The following NAA35 variants were observed in gnomAD, a reference collection of about 807,000 sequenced individuals.
NAA35 encodes the protein N-alpha-acetyltransferase 35, NatC auxiliary subunit.
NAA35 carries 18 observed loss-of-function variants against 101.7 expected under a neutral mutation model. The ratio of observed to expected loss-of-function variants is 0.18; its 90% confidence interval spans 0.12 to 0.26. NAA35 has a LOEUF of 0.26. NAA35 is among the 10% of genes least tolerant of loss of function. The pLI is 1.00. For missense variants in NAA35, 601 were observed against 886.8 expected (o/e 0.68, Z 4.09); for synonymous variants, 267 against 273.1 (o/e 0.98, Z 0.22).
At chr9:85,999,345 A>G (rs1468346909) in intron 12 of NAA35, among the ~76,000 whole-genome samples, 1 of 152,252 alleles carries the variant, frequency 6.6e-6, no homozygotes, top group Non-Finnish European at 1.5e-5. Flanking sequence ...TGTGTTCACT[A>G]GATTAATTGC....
intron 8 of NAA35, 134 bp from the exon 9 acceptor site, chr9:85,976,551 G>A (rs957896834): frequency 2.7e-5 from 15 of 554,224 alleles, no homozygotes; most frequent in Non-Finnish European, 4.0e-5. Flanking sequence ...TACTAGACAC[G>A]GCTTTTTTTC....
chr9:85,944,087 A>G (rs1828646620), intron 2 of NAA35, among the ~76,000 whole-genome samples: 1 of 152,200 alleles, frequency 6.6e-6, no homozygotes, highest in Admixed American at 6.5e-5. Context: ...CTTGATGATC[A>G]GTACAGTGGC....
rs1346487885 is a variant in NAA35 at position 85,950,887 on chromosome 9, A to G, written c.125-5473A>G. Among the ~76,000 whole-genome samples the G allele has an allele frequency of 9.8e-5, 15 of 152,318 alleles. No homozygotes were observed. The East Asian group carries it at 2.7e-3, about 27-fold the overall frequency. ...CACGGTGGCTCACGCCTGTAATCCT[A>G]GCACTTTGGGAGGCCAAGGCGGGTG... On this transcript the variant is annotated intron_variant, in intron 2 of 22. Coordinates refer to ENST00000361671, the MANE Select transcript of NAA35 (RefSeq NM_024635.4).
In NAA35 at chr9:86,024,225, A is replaced by G. The variant is rs765489848; in HGVS notation, c.*2265A>G. Among the ~76,000 whole-genome samples, 2 of 152,168 alleles carry G rather than the reference A, an allele frequency of 1.3e-5. No homozygotes were observed. The highest frequency in any genetic ancestry group is 2.9e-5 in the Non-Finnish European group (2 of 68,044). ...GCCCCACGTGAAACTTTAGGTGACA[A>G]ATCCCCATCGCATCTATTCAGGAGG... On this transcript the variant is annotated 3_prime_UTR_variant, in exon 23 of 23. Transcript: ENST00000361671.
At chr9:86,017,317 T>C (rs944192298) in intron 18 of NAA35, among the ~76,000 whole-genome samples, 181 bp from the exon 19 acceptor site, 9 of 152,248 alleles carry the variant, frequency 5.9e-5, no homozygotes, top group Non-Finnish European at 8.8e-5. Flanking sequence ...TTTGGGGACA[T>C]GATTATTATA....
chr9:85,986,731 C>T, intron 11 of NAA35: 2 of 273,766 alleles, frequency 7.3e-6, no homozygotes, highest in Non-Finnish European at 1.4e-5. Flanking sequence ...ATTACAGGTG[C>T]CTGTCACCAT....
At chr9:86,004,611 A>C (rs1831552976) in intron 13 of NAA35, among the ~76,000 whole-genome samples, 1 of 152,248 alleles carries the variant, frequency 6.6e-6, no homozygotes, top group Non-Finnish European at 1.5e-5. Context: ...ACAATGGAGA[A>C]AATCAATGCA....
intron 20 of NAA35, 55 bp downstream of exon 20, chr9:86,018,450 G>A (rs902049996): frequency 1.4e-5 from 22 of 1,557,904 alleles, no homozygotes; most frequent in African/African-American, 5.5e-5. Context: ...CCTTCTTAGA[G>A]AGATGCTGTT....
At chr9:86,009,014 C>T (rs938703260) in intron 14 of NAA35, among the ~76,000 whole-genome samples, 2 of 152,172 alleles carry the variant, frequency 1.3e-5, no homozygotes, top group African/African-American at 4.8e-5. Context: ...TCTTCTAGAG[C>T]TCTCTTACCT....
At chr9:85,981,387 A>G (rs1830433208) in intron 11 of NAA35, among the ~76,000 whole-genome samples, 1 of 152,206 alleles carries the variant, frequency 6.6e-6, no homozygotes, top group Non-Finnish European at 1.5e-5. Context: ...AGATGATGCA[A>G]AGCAAGAATC....
chr9:85,962,261 T>C lies in NAA35; in HGVS notation c.516+81T>C, dbSNP rs2117892486. On this transcript the variant is annotated intron_variant, in intron 6 of 22. Coordinates refer to ENST00000361671, the MANE Select transcript of NAA35 (RefSeq NM_024635.4). ...ATCTCAGCAGTTTGGGAGGCCAAGG[T>C]GGGCAGATCACCTGAGGTCAGGAGT... 2.2e-6 allele frequency: 3 copies of C among 1,357,448 alleles called. No individual in the cohort carries two copies. In the East Asian group the frequency reaches 7.2e-5, roughly 33 times the overall value. The allele number at this position is 1,357,448 out of a possible 1,614,324, so 84.1% of individuals were successfully genotyped here.
intron 11 of NAA35, among the ~76,000 whole-genome samples, chr9:85,990,736 C>G (rs1446879411): frequency 6.6e-6 from 1 of 152,182 alleles, no homozygotes; most frequent in Admixed American, 6.5e-5. Flanking sequence ...TAGAGCGAGA[C>G]TTTGGAGCCT....
intron 2 of NAA35, among the ~76,000 whole-genome samples, chr9:85,953,217 ATT>A (rs750967213): frequency 8.3e-4 from 105 of 125,920 alleles, no homozygotes; most frequent in Admixed American, 1.2e-3. Context: ...GCCTCAAGAG[ATT>A]TTTTTTTTTT....
At chr9:85,976,898 A>C (rs998572577) in intron 9 of NAA35, among the ~76,000 whole-genome samples, 163 bp downstream of exon 9, 2 of 152,138 alleles carry the variant, frequency 1.3e-5, no homozygotes, top group African/African-American at 4.8e-5. Flanking sequence ...TTTTGATAGA[A>C]TGATAATACA....
chr9:85,985,591 C>G (rs1329466110), intron 11 of NAA35, among the ~76,000 whole-genome samples: 1 of 152,074 alleles, frequency 6.6e-6, no homozygotes, highest in Non-Finnish European at 1.5e-5. Flanking sequence ...GGGGAAGAAT[C>G]ATGGGCAGGT....
chr9:85,959,682 G>T, intron 4 of NAA35, 111 bp from the exon 5 acceptor site: 2 of 661,476 alleles, frequency 3.0e-6, no homozygotes, highest in Non-Finnish European at 5.2e-6. Context: ...CATTTTCTTA[G>T]AATTGCTGTT....
rs1340708898 is a variant in NAA35 at position 85,991,324 on chromosome 9, C to T, written c.878-5075C>T. The stretch of plus-strand genomic sequence containing the variant: ...TTCATGGAGGTGGTTGTGTGCAGGG[C>T]TGTCAGAGACCAAGCCAGGTAATGA... On this transcript the variant is annotated intron_variant, in intron 11 of 22. Transcript: ENST00000361671. 4.6e-5 allele frequency among the ~76,000 whole-genome samples: 7 copies of T among 152,058 alleles called. No individual in the cohort carries two copies. The South Asian group carries it at 1.5e-3, about 32-fold the overall frequency.
Position 85,988,537 on chromosome 9 carries a change from C to G in NAA35, c.878-7862C>G, listed in dbSNP as rs560522289. 1.4e-4 allele frequency among the ~76,000 whole-genome samples: 22 copies of G among 152,286 alleles called. No homozygotes were observed. The East Asian group carries it at 3.9e-3, about 27-fold the overall frequency. ...ATGGAGGGCCGGGCGTGGTGGCTTA[C>G]GCCTGTAATCCCAGCACTTTGGGAG... On this transcript the variant is annotated intron_variant, in intron 11 of 22. Transcript: ENST00000361671.
intron 6 of NAA35, among the ~76,000 whole-genome samples, chr9:85,967,476 A>G (rs1829802151): frequency 1.3e-5 from 2 of 152,120 alleles, no homozygotes; most frequent in Non-Finnish European, 2.9e-5. Flanking sequence ...AGAAAAAAAT[A>G]CGAATCTAGT....
Sources: allele counts gnomAD v4.1 joint callset (sites outside exome capture counted in the v4.1 genomes callset), GRCh38; gene constraint gnomAD v4.1.1; transcripts MANE v1.5; gene names NCBI Gene and HGNC (gene_info 2026-07-23, HGNC 2026-07-21).